The following PCSK5 variants were observed in gnomAD, a reference collection of about 807,000 sequenced individuals.
PCSK5 encodes prohormone convertase 5.
In PCSK5, 129 loss-of-function variants were observed where a neutral mutation model predicts 233.2. That is an observed-to-expected ratio of 0.55 (90% CI 0.48 to 0.64). The LOEUF (loss-of-function observed/expected upper bound fraction) is 0.64, where lower values mean the gene tolerates loss of function less well. PCSK5 is among the 30% of genes least tolerant of loss of function. PCSK5 has a pLI of 0.00. For missense variants in PCSK5, 2,076 were observed against 2,430.1 expected (o/e 0.85, Z 3.06); for synonymous variants, 825 against 879.2 (o/e 0.94, Z 1.09).
chr9:75,913,177 G>A (rs1225238422), intron 1 of PCSK5, among the ~76,000 whole-genome samples: 18 of 152,068 alleles, frequency 1.2e-4, no homozygotes, highest in Non-Finnish European at 1.5e-5. Context: ...CTGGTATGCT[G>A]CTGGCTGTTC....
intron 36 of PCSK5, among the ~76,000 whole-genome samples, chr9:76,351,469 A>AAAGAAAGAAAGAAAG (rs1830132841): frequency 1.5e-5 from 1 of 68,836 alleles, no homozygotes; most frequent in African/African-American, 4.8e-5. Flanking sequence ...AGAAAGAAAG[A>AAAGAAAGAAAGAAAG]AAGAAAGAAA....
intron 4 of PCSK5, among the ~76,000 whole-genome samples, chr9:76,025,653 T>G: frequency 6.6e-6 from 1 of 152,296 alleles, no homozygotes; most frequent in Non-Finnish European, 1.5e-5. Context: ...TCTGCCAAAT[T>G]GTTGTAGTGA....
chr9:76,289,811 G>A (rs1334183963), intron 24 of PCSK5, among the ~76,000 whole-genome samples: 1 of 152,076 alleles, frequency 6.6e-6, no homozygotes, highest in Non-Finnish European at 1.5e-5. Context: ...TTCATAAGCT[G>A]TATAAGGCAC....
intron 1 of PCSK5, among the ~76,000 whole-genome samples, chr9:75,922,898 T>C (rs1260386418): frequency 6.6e-6 from 1 of 152,192 alleles, no homozygotes; most frequent in Admixed American, 6.5e-5. Context: ...CCGCTCAGGA[T>C]TCGTAATCAG....
At chr9:76,113,706 A>C (rs1386787249) in intron 9 of PCSK5, among the ~76,000 whole-genome samples, 1 of 152,098 alleles carries the variant, frequency 6.6e-6, no homozygotes, top group Non-Finnish European at 1.5e-5. Flanking sequence ...AGACATAAAC[A>C]TTTCTTAATA....
intron 14 of PCSK5, 191 bp downstream of exon 14, chr9:76,175,320 C>CAGAACAGAAT (rs766243526): frequency 1.1e-3 from 524 of 477,336 alleles, no homozygotes; most frequent in African/African-American, 0.011. Context: ...TAGAACAGAA[C>CAGAACAGAAT]AGAATAGAAT....
intron 9 of PCSK5, among the ~76,000 whole-genome samples, chr9:76,126,590 G>A (rs1832862268): frequency 6.6e-6 from 1 of 152,072 alleles, no homozygotes; most frequent in Non-Finnish European, 1.5e-5. Flanking sequence ...TCCAGCCTGG[G>A]CAACAAGAGT....
chr9:76,213,482 A>G (rs1825405493), intron 20 of PCSK5, among the ~76,000 whole-genome samples: 1 of 151,894 alleles, frequency 6.6e-6, no homozygotes, highest in African/African-American at 2.4e-5. Flanking sequence ...TGATGGCTCA[A>G]TTTTCTGGGG....
At chr9:75,984,348 C>T (rs375519414) in intron 2 of PCSK5, among the ~76,000 whole-genome samples, 29 of 152,198 alleles carry the variant, frequency 1.9e-4, no homozygotes, top group African/African-American at 5.5e-4. Flanking sequence ...TTAATGAGTC[C>T]GCAGTGGGGA....
intron 32 of PCSK5, among the ~76,000 whole-genome samples, chr9:76,324,350 C>A (rs1166105734): frequency 6.6e-6 from 1 of 152,022 alleles, no homozygotes; most frequent in East Asian, 1.9e-4. Context: ...CCTGCCTCAG[C>A]CTCCTGAGTA....
chr9:76,088,719 G>A (rs1831162848), intron 7 of PCSK5, among the ~76,000 whole-genome samples: 1 of 152,134 alleles, frequency 6.6e-6, no homozygotes, highest in Non-Finnish European at 1.5e-5. Flanking sequence ...TCCCATAGAT[G>A]TCTTCATACA....
At chr9:75,973,881 A>G (rs1447775551) in intron 2 of PCSK5, among the ~76,000 whole-genome samples, 1 of 152,072 alleles carries the variant, frequency 6.6e-6, no homozygotes, top group African/African-American at 2.4e-5. Context: ...GGAGAGAGAG[A>G]ACTGGTGATA....
At chr9:75,969,333 G>A (rs1825722693) in intron 2 of PCSK5, among the ~76,000 whole-genome samples, 1 of 152,112 alleles carries the variant, frequency 6.6e-6, no homozygotes, top group Non-Finnish European at 1.5e-5. Flanking sequence ...GTTTGAAGCA[G>A]AACATTTCAT....
chr9:76,233,619 T>C (rs763744225), intron 22 of PCSK5, 23 bp downstream of exon 22: 2 of 1,603,308 alleles, frequency 1.2e-6, no homozygotes, highest in Non-Finnish European at 1.7e-6. Flanking sequence ...TGCTCCTCCG[T>C]CTTCTGCACC....
chr9:76,060,162 CAGGAATT>C (rs778710968), intron 5 of PCSK5, among the ~76,000 whole-genome samples: 6 of 152,118 alleles, frequency 3.9e-5, no homozygotes, highest in Non-Finnish European at 8.8e-5. Context: ...TTGAACAACT[CAGGAATT>C]AGGCATGTTG....
intron 2 of PCSK5, among the ~76,000 whole-genome samples, chr9:75,969,251 G>A (rs974479793): frequency 1.3e-5 from 2 of 152,180 alleles, no homozygotes; most frequent in East Asian, 1.9e-4. Context: ...AAGTAGGTCC[G>A]CAAGTTTCAG....
intron 20 of PCSK5, among the ~76,000 whole-genome samples, chr9:76,191,487 T>G (rs900989127): frequency 4.6e-5 from 7 of 152,100 alleles, no homozygotes; most frequent in African/African-American, 1.4e-4. Context: ...ATTCCACAAC[T>G]CCCTACAAAG....
rs1361343985 is a variant in PCSK5, at chr9:75,908,984, T to TATCTATC, written c.192+17612_192+17618dup. 6.3e-5 allele frequency among the ~76,000 whole-genome samples: 9 copies of TATCTATC among 141,812 alleles called. No individual in the cohort carries two copies. In the East Asian group the frequency reaches 1.7e-3, roughly 27 times the overall value. 93.0% of individuals were successfully genotyped at this position (141,812 alleles called of 152,430 possible). ...CTATCTATCTATCTATCTATCTATC[T>TATCTATC]ATCTATCCGATTTTCTCTCCTCTGC... On this transcript the variant is annotated intron_variant, in intron 1 of 37. Coordinates refer to ENST00000674117, the MANE Select transcript of PCSK5 (RefSeq NM_001372043.1).
At chr9:76,340,037 G>A (rs1158931655) in intron 35 of PCSK5, among the ~76,000 whole-genome samples, 1 of 152,024 alleles carries the variant, frequency 6.6e-6, no homozygotes, top group Non-Finnish European at 1.5e-5. Context: ...TAAAGATTCA[G>A]CTTGAGTATC....
Sources: allele counts gnomAD v4.1 joint callset (sites outside exome capture counted in the v4.1 genomes callset), GRCh38; gene constraint gnomAD v4.1.1; transcripts MANE v1.5; gene names NCBI Gene and HGNC (gene_info 2026-07-23, HGNC 2026-07-21).